NIBAN2: variants seen among roughly 807,000 people sequenced by gnomAD.
NIBAN2 encodes the protein niban apoptosis regulator 2.
NIBAN2 carries 36 observed loss-of-function variants against 81.8 expected under a neutral mutation model. That is an observed-to-expected ratio of 0.44 (90% CI 0.34 to 0.58). The LOEUF is 0.58. Among genes scored for constraint, NIBAN2 ranks in the 20% least tolerant of loss-of-function variants. The pLI is 0.02. For missense variants in NIBAN2, 897 were observed against 1,014.1 expected, an observed-to-expected ratio of 0.88 and a Z score of 1.57; for synonymous variants, 445 against 441.6, an observed-to-expected ratio of 1.01 and a Z score of -0.10.
intron 8 of NIBAN2, among the ~76,000 whole-genome samples, chr9:127,513,535 GCCCAAAA>G (rs1329282646): frequency 2.0e-5 from 3 of 152,250 alleles, no homozygotes; most frequent in African/African-American, 7.2e-5. Flanking sequence ...AAAGAAGGTG[GCCCAAAA>G]CCCACCAAAA....
In NIBAN2 at chr9:127,507,373, C is replaced by G; in HGVS notation, c.1713G>C (p.Met571Ile). The G allele has an allele frequency of 1.3e-6, 2 of 1,529,954 alleles. No individual in the cohort carries two copies. Among genetic ancestry groups the G allele is most frequent in the Non-Finnish European group, 1.8e-6 (2 of 1,138,230 alleles). 94.8% of individuals were successfully genotyped at this position (1,529,954 alleles called of 1,614,324 possible). A position where few individuals can be genotyped will look rare whatever the true frequency, so the allele number is the denominator to read the frequency against. The change falls in exon 14 of 14, where the codon ATG (methionine) becomes ATC (isoleucine). Residue 571 changes from methionine to isoleucine, a missense_variant. Physicochemically the swap from Met to Ile is conservative, Grantham distance 10. Around this residue, in one of 3 missense-constraint regions of NIBAN2, gnomAD observed 619 missense variants for 691.0 expected, o/e 0.90. Transcript: ENST00000373312. The surrounding 1 kb of genome is among the most constrained non-coding windows in gnomAD (Gnocchi z 6.8). Reference sequence around the variant, plus strand: ...GGTGCAGGTTGGGGTCGCTGTTGTGCATGACCATGCTGTCCCGGTAGAGGT... The same window carrying G: ...GGTGCAGGTTGGGGTCGCTGTTGTGGATGACCATGCTGTCCCGGTAGAGGT... ...KHNLYRDSMV[M>I]HNSDPNLHLL...
intron 2 of NIBAN2, among the ~76,000 whole-genome samples, chr9:127,530,293 C>T (rs1323377782): frequency 6.6e-6 from 1 of 152,246 alleles, no homozygotes; most frequent in Non-Finnish European, 1.5e-5. Context: ...GCAGCTCCGA[C>T]ACACGGTCCT....
At chr9:127,524,945 T>C (rs1837031625) in intron 4 of NIBAN2, 113 bp downstream of exon 4, 1 of 744,452 alleles carries the variant, frequency 1.3e-6, no homozygotes, top group South Asian at 1.7e-5. Context: ...CTAAGCCTAG[T>C]TGGTCTCTCC....
rs377007378 is a variant in NIBAN2 at position 127,536,309 on chromosome 9, C to T, written c.56-4531G>A. On this transcript the variant is annotated intron_variant, in intron 1 of 13. Transcript: ENST00000373312. The surrounding 1 kb of genome is among the most constrained non-coding windows in gnomAD (Gnocchi z 4.0). ...CAAAGGGCTTGCAGGGCCTTCCTGG[C>T]TGGACCCTGCTGGAAGAGGACCCAG... is the stretch of plus-strand genomic sequence containing the variant. Among the ~76,000 whole-genome samples the T allele has an allele frequency of 6.6e-6, 1 of 152,152 alleles. No individual in the cohort carries two copies. Among genetic ancestry groups the T allele is most frequent in the East Asian group, 1.9e-4 (1 of 5,182 alleles).
chr9:127,561,120 G>C (rs1368410679), intron 1 of NIBAN2: 1 of 985,342 alleles, frequency 1.0e-6, no homozygotes, highest in Non-Finnish European at 1.2e-6. Context: ...GCCAGGCACA[G>C]AGTGGATGCT....
At chr9:127,567,803 T>C (rs77027184) in intron 1 of NIBAN2, among the ~76,000 whole-genome samples, 1 of 152,144 alleles carries the variant, frequency 6.6e-6, no homozygotes, top group African/African-American at 2.4e-5. Context: ...GCAAGCCACA[T>C]GAGTTACTTC....
chr9:127,524,205 T>C (rs530056178), intron 4 of NIBAN2, among the ~76,000 whole-genome samples: 75 of 152,220 alleles, frequency 4.9e-4, no homozygotes, highest in African/African-American at 1.7e-3. Context: ...CCCTTCAGAT[T>C]TCGGCTGTGG....
intron 1 of NIBAN2, among the ~76,000 whole-genome samples, chr9:127,541,592 G>A (rs1034963810): frequency 4.6e-5 from 7 of 152,172 alleles, no homozygotes; most frequent in African/African-American, 1.7e-4. Flanking sequence ...AATCAGGTGG[G>A]AAGTTGGGGG....
chr9:127,553,433 C>T lies in NIBAN2; in HGVS notation c.55+15387G>A, dbSNP rs144763867. On this transcript the variant is annotated intron_variant, in intron 1 of 13. Transcript: ENST00000373312. Reference sequence around the variant, plus strand: ...AGGAGTTCCCTGGCTGGGGACTGAACCCCGAGGACGGAAACTCTTCCTGAG... The same window carrying T: ...AGGAGTTCCCTGGCTGGGGACTGAATCCCGAGGACGGAAACTCTTCCTGAG... Among the ~76,000 whole-genome samples the T allele has an allele frequency of 4.4e-3, 677 of 152,334 alleles. 9 individuals are homozygous for T. Among genetic ancestry groups the T allele is most frequent in the African/African-American group, 0.015 (640 of 41,584 alleles).
chr9:127,523,880 C>T (rs1473272624), intron 4 of NIBAN2, 34 bp from the exon 5 acceptor site: 4 of 1,589,594 alleles, frequency 2.5e-6, no homozygotes, highest in Non-Finnish European at 3.4e-6. Flanking sequence ...CAGCTGCCCT[C>T]TGTGGTTGCC....
intron 2 of NIBAN2, among the ~76,000 whole-genome samples, chr9:127,529,600 A>G (rs1003823500): frequency 1.3e-5 from 2 of 152,206 alleles, no homozygotes; most frequent in African/African-American, 4.8e-5. Context: ...AGACTGTGCC[A>G]CTGCACTCCA....
Position 127,523,241 on chromosome 9 carries a change from A to G in NIBAN2, c.589+438T>C, listed in dbSNP as rs868190425. Among the ~76,000 whole-genome samples the G allele has an allele frequency of 9.0e-5, 8 of 88,810 alleles. No homozygotes were observed. The South Asian group carries it at 2.1e-3, about 24-fold the overall frequency. 58.3% of individuals were successfully genotyped at this position (88,810 alleles called of 152,430 possible). A position where few individuals can be genotyped will look rare whatever the true frequency, so the allele number is the denominator to read the frequency against. Reference sequence around the variant, plus strand: ...TATATATATATATATATATATATATATATATATATATAAAATTAAAAAAAA... The same window carrying G: ...TATATATATATATATATATATATATGTATATATATATAAAATTAAAAAAAA... On this transcript the variant is annotated intron_variant, in intron 5 of 13. Coordinates refer to ENST00000373312, the MANE Select transcript of NIBAN2 (RefSeq NM_022833.4).
At chr9:127,577,268 A>G (rs192978678) in intron 1 of NIBAN2, among the ~76,000 whole-genome samples, 2 of 152,214 alleles carry the variant, frequency 1.3e-5, no homozygotes, top group Non-Finnish European at 2.9e-5. Flanking sequence ...AGATTGCGCC[A>G]CTGTACTGCA....
At chr9:127,548,686 A>G (rs536721223) in intron 1 of NIBAN2, among the ~76,000 whole-genome samples, 1 of 152,352 alleles carries the variant, frequency 6.6e-6, no homozygotes, top group African/African-American at 2.4e-5. Context: ...GGGTTTCAAC[A>G]TTAAGCTTCA....
At chr9:127,549,797 T>C (rs780637133) in intron 1 of NIBAN2, among the ~76,000 whole-genome samples, 5 of 152,226 alleles carry the variant, frequency 3.3e-5, no homozygotes, top group Non-Finnish European at 5.9e-5. Context: ...CCTTGGTCTG[T>C]ACTCTAAGCT....
chr9:127,509,808 CCTCCTTCCCTCCT>C (rs1170076233), intron 9 of NIBAN2: 1 of 81,250 alleles, frequency 1.2e-5, no homozygotes, highest in African/African-American at 4.4e-5. Flanking sequence ...CCTCTCCTTC[CCTCCTTCCCTCCT>C]CTCCTTCCCT....
intron 8 of NIBAN2, 37 bp from the exon 9 acceptor site, chr9:127,510,370 C>T (rs542373191): frequency 6.5e-7 from 1 of 1,527,508 alleles, no homozygotes; most frequent in East Asian, 2.3e-5. Context: ...AGGGGCTCCC[C>T]AAGGAGCACC....
intron 1 of NIBAN2, among the ~76,000 whole-genome samples, chr9:127,552,570 C>T (rs1486349446): frequency 1.3e-5 from 2 of 151,870 alleles, no homozygotes; most frequent in African/African-American, 4.8e-5. Flanking sequence ...GAGCAAGATG[C>T]CATCTCAAAA....
At chr9:127,560,944 G>A (rs1266394249) in intron 1 of NIBAN2, among the ~76,000 whole-genome samples, 3 of 152,168 alleles carry the variant, frequency 2.0e-5, no homozygotes, top group Non-Finnish European at 4.4e-5. Context: ...CACAGACAGG[G>A]AGAAAAGGCA....
Sources: allele counts gnomAD v4.1 joint callset (sites outside exome capture counted in the v4.1 genomes callset), GRCh38; gene constraint gnomAD v4.1.1; regional missense constraint gnomAD v4.1.1; non-coding constraint Gnocchi (gnomAD v3.1); transcripts MANE v1.5; gene names NCBI Gene and HGNC (gene_info 2026-07-23, HGNC 2026-07-21).